Variants in HS6ST3 observed in about 807,000 individuals in gnomAD.
The protein encoded by HS6ST3 is heparan sulfate 6-O-sulfotransferase 3, also known as heparan-sulfate 6-O-sulfotransferase 3.
HS6ST3 carries 12 observed loss-of-function variants against 36.7 expected under a neutral mutation model. That is an observed-to-expected ratio of 0.33 (90% CI 0.21 to 0.53). The LOEUF is 0.53. Among genes scored for constraint, HS6ST3 ranks in the 20% least tolerant of loss-of-function variants. The probability of loss-of-function intolerance (pLI) is 0.95; values close to 1 mark genes in which losing one functional copy is unlikely to be tolerated. For missense variants in HS6ST3, 584 were observed against 640.9 expected (o/e 0.91, Z 0.96); for synonymous variants, 240 against 257.5 (o/e 0.93, Z 0.65).
intron 1 of HS6ST3, among the ~76,000 whole-genome samples, chr13:96,460,759 G>A (rs560727091): frequency 6.6e-6 from 1 of 152,302 alleles, no homozygotes; most frequent in South Asian, 2.1e-4. Context: ...CTATTTGTAA[G>A]CAGTTTCCAG....
chr13:96,573,880 G>A (rs1170318653), intron 1 of HS6ST3: 1 of 480,654 alleles, frequency 2.1e-6, no homozygotes, highest in African/African-American at 2.0e-5. Flanking sequence ...GGAGCACTGA[G>A]CCCTCTCCCC....
intron 1 of HS6ST3, among the ~76,000 whole-genome samples, chr13:96,307,798 A>G (rs2054920987): frequency 6.6e-6 from 1 of 151,974 alleles, no homozygotes; most frequent in Non-Finnish European, 1.5e-5. Flanking sequence ...AGATGCTGTA[A>G]TTTGCTTTTT....
intron 1 of HS6ST3, among the ~76,000 whole-genome samples, chr13:96,211,116 G>A (rs1181908631): frequency 6.6e-6 from 1 of 152,076 alleles, no homozygotes; most frequent in Non-Finnish European, 1.5e-5. Context: ...TTTTTTGGTA[G>A]AGACGGGGTT....
intron 1 of HS6ST3, among the ~76,000 whole-genome samples, chr13:96,804,924 ATATGTATT>A (rs1439613085): frequency 6.6e-6 from 1 of 152,162 alleles, no homozygotes; most frequent in African/African-American, 2.4e-5. Context: ...ATGAACATAT[ATATGTATT>A]TATGTATTAA....
intron 1 of HS6ST3, among the ~76,000 whole-genome samples, chr13:96,447,014 T>G (rs1594782305): frequency 6.6e-6 from 1 of 152,164 alleles, no homozygotes; most frequent in East Asian, 1.9e-4. Context: ...TATCCGTTTT[T>G]TAGCTAGAGC....
intron 1 of HS6ST3, among the ~76,000 whole-genome samples, chr13:96,733,695 G>T (rs1876214555): frequency 6.6e-6 from 1 of 152,166 alleles, no homozygotes; most frequent in African/African-American, 2.4e-5. Context: ...TAAACTCTGA[G>T]GTTTTGTGAA....
Position 96,684,158 on chromosome 13 carries a change from A to G in HS6ST3, c.708-148332A>G, listed in dbSNP as rs534205716. On this transcript the variant is annotated intron_variant, in intron 1 of 1. Coordinates refer to ENST00000376705, the MANE Select transcript of HS6ST3 (RefSeq NM_153456.4). Reference sequence around the variant, plus strand: ...TTTGCTCAGAGTGAAAACATTCTACATTTTCTACCATATGTAATTTCTAGG... The same window carrying G: ...TTTGCTCAGAGTGAAAACATTCTACGTTTTCTACCATATGTAATTTCTAGG... 2.6e-5 allele frequency among the ~76,000 whole-genome samples: 4 copies of G among 152,120 alleles called. No individual in the cohort carries two copies. The South Asian group carries it at 8.3e-4, about 32-fold the overall frequency.
intron 1 of HS6ST3, among the ~76,000 whole-genome samples, chr13:96,296,085 T>G (rs921307139): frequency 3.3e-5 from 5 of 152,242 alleles, no homozygotes; most frequent in Middle Eastern, 6.8e-3. Flanking sequence ...AAAATTCAGT[T>G]TTGCATTCGC....
rs144389562 is a variant in HS6ST3, at chr13:96,832,707, C to T, written c.925C>T (p.Arg309Cys). 1.9e-6 allele frequency: 3 copies of T among 1,613,906 alleles called. No individual in the cohort carries two copies. The highest frequency in any genetic ancestry group is 1.1e-5 in the South Asian group (1 of 91,034). The stretch of plus-strand genomic sequence containing the variant: ...TTGCACCTACAACCTGGCTAACAAT[C>T]GCCAGGTGCGCATGCTGGCTGACCT... ...MDCTYNLANN[R>C]QVRMLADLSL... The change falls in exon 2 of 2, where the codon CGC (arginine) becomes TGC (cysteine). Residue 309 changes from arginine to cysteine, a missense_variant. By Grantham distance (180) the Arg-to-Cys change is radical. Coordinates refer to ENST00000376705, the MANE Select transcript of HS6ST3 (RefSeq NM_153456.4).
At chr13:96,731,909 A>C (rs1192871704) in intron 1 of HS6ST3, among the ~76,000 whole-genome samples, 1 of 152,056 alleles carries the variant, frequency 6.6e-6, no homozygotes, top group Non-Finnish European at 1.5e-5. Flanking sequence ...TCCTGGCTCC[A>C]TCTCCCAAAG....
At chr13:96,113,653 G>A (rs981423737) in intron 1 of HS6ST3, among the ~76,000 whole-genome samples, 1 of 152,176 alleles carries the variant, frequency 6.6e-6, no homozygotes, top group African/African-American at 2.4e-5. Context: ...TGGTGAAATG[G>A]GTTCATTTGT....
At chr13:96,620,756 T>C (rs2056491837) in intron 1 of HS6ST3, among the ~76,000 whole-genome samples, 1 of 151,886 alleles carries the variant, frequency 6.6e-6, no homozygotes, top group South Asian at 2.1e-4. Context: ...AGAAATCTAA[T>C]TCCACAAATG....
At chr13:96,781,018 G>GTGGA (rs1407925814) in intron 1 of HS6ST3, among the ~76,000 whole-genome samples, 2 of 151,592 alleles carry the variant, frequency 1.3e-5, no homozygotes, top group Non-Finnish European at 2.9e-5. Context: ...ATTTACTGAT[G>GTGGA]TGGAAACTGA....
intron 1 of HS6ST3, among the ~76,000 whole-genome samples, chr13:96,522,867 G>C (rs1555309776): frequency 6.6e-6 from 1 of 152,092 alleles, no homozygotes; most frequent in Non-Finnish European, 1.5e-5. Flanking sequence ...TTACATTTAA[G>C]GTTAATATTG....
chr13:96,191,712 T>C (rs2054289305), intron 1 of HS6ST3, among the ~76,000 whole-genome samples: 1 of 152,202 alleles, frequency 6.6e-6, no homozygotes, highest in Non-Finnish European at 1.5e-5. Flanking sequence ...AACGGTGCCC[T>C]AGTACTAGTG....
At chr13:96,150,052 C>A (rs1029440568) in intron 1 of HS6ST3, among the ~76,000 whole-genome samples, 1 of 152,062 alleles carries the variant, frequency 6.6e-6, no homozygotes, top group Non-Finnish European at 1.5e-5. Context: ...CTGTTTTGTT[C>A]CTGCCATCCG....
intron 1 of HS6ST3, among the ~76,000 whole-genome samples, chr13:96,419,848 G>A (rs2055554344): frequency 6.6e-6 from 1 of 151,964 alleles, no homozygotes; most frequent in Non-Finnish European, 1.5e-5. Flanking sequence ...TTCCTATAAG[G>A]ACACCAGTTT....
chr13:96,200,288 C>G (rs1224898204), intron 1 of HS6ST3, among the ~76,000 whole-genome samples: 2 of 152,142 alleles, frequency 1.3e-5, no homozygotes, highest in African/African-American at 4.8e-5. Flanking sequence ...CCACATGATT[C>G]AACTCCCTTA....
intron 1 of HS6ST3, among the ~76,000 whole-genome samples, chr13:96,796,415 C>T (rs997169496): frequency 2.0e-5 from 3 of 152,036 alleles, no homozygotes; most frequent in East Asian, 1.9e-4. Flanking sequence ...AACATGTAGA[C>T]TTCTAAAGCA....
Sources: gnomAD v4.1 joint callset for allele counts (sites outside exome capture counted in the v4.1 genomes callset) on GRCh38, gnomAD v4.1.1 for gene constraint, MANE v1.5 for transcripts, NCBI Gene and HGNC (gene_info 2026-07-23, HGNC 2026-07-21) for gene names.